XPO4: variants seen among roughly 807,000 people sequenced by gnomAD.
XPO4 encodes exportin-4.
XPO4 carries 39 observed loss-of-function variants against 143.0 expected under a neutral mutation model. The observed-to-expected ratio is 0.27, with a 90% confidence interval of 0.21 to 0.36. The LOEUF (loss-of-function observed/expected upper bound fraction) is 0.36. Ranked by LOEUF, XPO4 falls within the 10% of genes least tolerant of loss-of-function variation. The pLI, the probability that XPO4 is intolerant of heterozygous loss-of-function variation, is 1.00. For synonymous variants in XPO4, 439 were observed against 474.0 expected (o/e 0.93, Z 0.96); for missense variants, 907 against 1,348.0 (o/e 0.67, Z 5.12).
intron 13 of XPO4, among the ~76,000 whole-genome samples, chr13:20,802,835 T>C (rs9579955): frequency 0.093 from 14,216 of 152,262 alleles, 824 homozygotes; most frequent in Non-Finnish European, 0.13. Flanking sequence ...TGTTTAAAAA[T>C]GTCTTCTGGA....
intron 14 of XPO4, 45 bp downstream of exon 14, chr13:20,800,785 GC>G: frequency 6.3e-7 from 1 of 1,591,156 alleles, no homozygotes; most frequent in Non-Finnish European, 8.6e-7. Context: ...TTCTATAACT[GC>G]TATCATCATA....
chr13:20,781,866 A>G lies in XPO4; in HGVS notation c.*1856T>C, dbSNP rs2059147788. The stretch of plus-strand genomic sequence containing the variant: ...TGCAAAACAAATAGATTACTGCTGC[A>G]TATCACTTCAAGTTTTTTAAGGGGA... On this transcript the variant is annotated 3_prime_UTR_variant, in exon 23 of 23. Transcript: ENST00000255305. 6.6e-6 allele frequency: 1 copy of G among 152,170 alleles called. No individual in the cohort carries two copies. Among genetic ancestry groups the G allele is most frequent in the Admixed American group, 6.5e-5 (1 of 15,270 alleles). 9.4% of individuals were successfully genotyped at this position (152,170 alleles called of 1,614,324 possible). A position where few individuals can be genotyped will look rare whatever the true frequency, so the allele number is the denominator to read the frequency against.
intron 1 of XPO4, among the ~76,000 whole-genome samples, chr13:20,901,664 C>G (rs919271783): frequency 3.3e-5 from 5 of 152,168 alleles, no homozygotes; most frequent in African/African-American, 1.2e-4. Flanking sequence ...GAACTACAAA[C>G]TACGCTAGAA....
In XPO4 at chr13:20,783,506, CATAT is replaced by C. The variant is rs2059164472; in HGVS notation, c.*212_*215del. ...AAATCACCATTCAGAATCTAAAAGA[CATAT>C]ATATGACAGATTGTGGCTAACACTT... On this transcript the variant is annotated 3_prime_UTR_variant, in exon 23 of 23. Transcript: ENST00000255305. The C allele has an allele frequency of 3.5e-6, 2 of 570,988 alleles. No individual in the cohort carries two copies. Among genetic ancestry groups the C allele is most frequent in the Admixed American group, 3.1e-5 (1 of 32,434 alleles). The allele number at this position is 570,988 out of a possible 1,614,324, so 35.4% of individuals were successfully genotyped here. A position where few individuals can be genotyped will look rare whatever the true frequency, so the allele number is the denominator to read the frequency against.
chr13:20,807,248 G>C (rs2059520192), intron 13 of XPO4, among the ~76,000 whole-genome samples: 2 of 152,066 alleles, frequency 1.3e-5, no homozygotes, highest in African/African-American at 4.8e-5. Flanking sequence ...CTTCAGTACT[G>C]GGTATAGCTG....
At chr13:20,879,275 C>T in intron 1 of XPO4, 1 of 985,114 alleles carries the variant, frequency 1.0e-6, no homozygotes, top group Non-Finnish European at 1.2e-6. Flanking sequence ...AAAAAACAAA[C>T]AAAACAAACC....
chr13:20,876,657 A>C (rs2060356247), intron 1 of XPO4, among the ~76,000 whole-genome samples: 2 of 152,222 alleles, frequency 1.3e-5, no homozygotes, highest in South Asian at 4.1e-4. Flanking sequence ...CTTTTTAAAA[A>C]TTAGTAAATT....
chr13:20,855,218 G>A lies in XPO4; in HGVS notation c.456+409C>T, dbSNP rs376633669. 3.9e-5 allele frequency among the ~76,000 whole-genome samples: 6 copies of A among 152,220 alleles called. No homozygotes were observed. In the East Asian group the frequency reaches 1.2e-3, roughly 29 times the overall value. On this transcript the variant is annotated intron_variant, in intron 4 of 22. Transcript: ENST00000255305. ...CACCTGTAATACCAGCACTTCGGGA[G>A]GCAGAAGCAGGCGGATCACCTGAGG...
intron 3 of XPO4, 104 bp downstream of exon 3, chr13:20,862,613 A>G (rs1044723796): frequency 2.8e-6 from 4 of 1,445,542 alleles, no homozygotes; most frequent in African/African-American, 1.4e-5. Context: ...GGTGTGAGCC[A>G]CTATACCCAC....
chr13:20,863,183 T>G, intron 2 of XPO4: 3 of 930,656 alleles, frequency 3.2e-6, no homozygotes, highest in Non-Finnish European at 3.9e-6. Flanking sequence ...ATCAGAAAAT[T>G]TCCTAAGATT....
intron 11 of XPO4, 100 bp from the exon 12 acceptor site, chr13:20,808,681 C>T (rs530475071): frequency 9.3e-5 from 95 of 1,017,306 alleles, no homozygotes; most frequent in South Asian, 3.3e-4. Context: ...TGAATGTTAG[C>T]GTAAAAACAC....
intron 4 of XPO4, chr13:20,849,223 G>A: frequency 1.0e-6 from 1 of 985,430 alleles, no homozygotes. Flanking sequence ...CATACATAAA[G>A]CAGACTTCCA....
chr13:20,786,816 G>A (rs1367216692), intron 22 of XPO4, 149 bp downstream of exon 22: 42 of 550,842 alleles, frequency 7.6e-5, no homozygotes, highest in Non-Finnish European at 1.2e-4. Context: ...AGCTAATAAA[G>A]AAGCTAAGAA....
At chr13:20,883,256 T>C (rs9506568) in intron 1 of XPO4, among the ~76,000 whole-genome samples, 68,608 of 152,084 alleles carry the variant, frequency 0.45, 15,993 homozygotes, top group Middle Eastern at 0.56. Context: ...GCATGGAGCT[T>C]CAATGGGTGA....
chr13:20,862,632 T>G, intron 3 of XPO4, 85 bp downstream of exon 3: 1 of 1,570,102 alleles, frequency 6.4e-7, no homozygotes, highest in South Asian at 1.2e-5. Flanking sequence ...ACCCAAAAGT[T>G]TTTAAAATGC....
Position 20,822,227 on chromosome 13 carries a change from C to G in XPO4, c.903G>C (p.Gln301His), listed in dbSNP as rs745711772. Reference protein sequence around the residue: ...MAQDSLQCLAQLASLHGPIFP... With the variant: ...MAQDSLQCLAHLASLHGPIFP... ...AGATGGGTCCATGAAGAGAAGCTAA[C>G]TGGGCAAGGCACTGCAGAGAATCTT... The change falls in exon 8 of 23, where the codon CAG (glutamine) becomes CAC (histidine). Residue 301 changes from glutamine to histidine, a missense_variant. Coordinates refer to ENST00000255305, the MANE Select transcript of XPO4 (RefSeq NM_022459.5). 6.2e-7 allele frequency: 1 copy of G among 1,613,994 alleles called. No individual in the cohort carries two copies. The highest frequency in any genetic ancestry group is 8.5e-7 in the Non-Finnish European group (1 of 1,179,898).
rs369292522 is a variant in XPO4 at position 20,799,199 on chromosome 13, A to G, written c.2288T>C (p.Met763Thr). The G allele has an allele frequency of 6.2e-6, 10 of 1,611,998 alleles. No homozygotes were observed. Among genetic ancestry groups the G allele is most frequent in the East Asian group, 4.5e-5 (2 of 44,858 alleles). ...ATACTGCTGTTTGGTTTCTGTGTCC[A>G]TATGTGCAAAACCTCCTAAGACTAG... ...KALVLGGFAHMDTETKQQYWT... is the reference protein window; with the variant it reads ...KALVLGGFAHTDTETKQQYWT... The change falls in exon 16 of 23, where the codon ATG (methionine) becomes ACG (threonine). Residue 763 changes from methionine to threonine, a missense_variant. Transcript: ENST00000255305.
intron 1 of XPO4, among the ~76,000 whole-genome samples, chr13:20,873,409 T>C (rs1421519322): frequency 6.6e-6 from 1 of 152,146 alleles, no homozygotes; most frequent in East Asian, 1.9e-4. Context: ...GGGCTGACTA[T>C]ATGCCAAGCA....
intron 10 of XPO4, 29 bp downstream of exon 10, chr13:20,809,762 T>G (rs753467386): frequency 1.9e-6 from 3 of 1,573,518 alleles, no homozygotes; most frequent in Non-Finnish European, 2.6e-6. Context: ...TGAAATAGAC[T>G]GTTAATTACC....
Sources: gnomAD v4.1 joint callset for allele counts (sites outside exome capture counted in the v4.1 genomes callset) on GRCh38, gnomAD v4.1.1 for gene constraint, MANE v1.5 for transcripts, NCBI Gene and HGNC (gene_info 2026-07-23, HGNC 2026-07-21) for gene names.